MARCHF1: variants seen among roughly 807,000 people sequenced by gnomAD.
MARCHF1 encodes membrane associated ring-CH-type finger 1.
Under a neutral mutation model 54.2 loss-of-function variants are expected in MARCHF1, and 40 were observed. The observed-to-expected ratio is 0.74, with a 90% CI of 0.57 to 0.96. The LOEUF (loss-of-function observed/expected upper bound fraction) is 0.96, where lower values mean the gene tolerates loss of function less well. Among genes scored for constraint, MARCHF1 ranks in the 40% least tolerant of loss-of-function variants. MARCHF1 has a pLI of 0.00. For missense variants in MARCHF1, 586 were observed against 656.5 expected, an observed-to-expected ratio of 0.89 and a Z score of 1.17; for synonymous variants, 236 against 236.3, an observed-to-expected ratio of 1.00 and a Z score of 0.01.
At chr4:164,344,044 A>G (rs1343897109) in intron 1 of MARCHF1, among the ~76,000 whole-genome samples, 2 of 152,222 alleles carry the variant, frequency 1.3e-5, no homozygotes, top group Non-Finnish European at 2.9e-5. Flanking sequence ...CTATGCAGCC[A>G]TAAGAAAGAA....
chr4:163,955,550 C>T (rs1254877909), intron 3 of MARCHF1, among the ~76,000 whole-genome samples: 1 of 152,050 alleles, frequency 6.6e-6, no homozygotes, highest in Non-Finnish European at 1.5e-5. Flanking sequence ...CTTCTCATGT[C>T]TGTGCCCCTG....
chr4:164,223,543 G>A lies in MARCHF1; in HGVS notation c.-322-111881C>T, dbSNP rs538089672. Among the ~76,000 whole-genome samples the A allele has an allele frequency of 2.1e-3, 321 of 152,048 alleles. 4 individuals carry two copies. The highest frequency in any genetic ancestry group is 7.5e-3 in the African/African-American group (312 of 41,516). On this transcript the variant is annotated intron_variant, in intron 1 of 9. Coordinates refer to ENST00000514618, the MANE Select transcript of MARCHF1 (RefSeq NM_001394959.1). ...GATATTTATGTGTTCTAAATCCAGT[G>A]TTTTAGTCAGAAGATCCAAAGAGAA...
intron 1 of MARCHF1, among the ~76,000 whole-genome samples, chr4:164,179,399 G>GTCA (rs759014400): frequency 0.15 from 22,084 of 152,060 alleles, 2,147 homozygotes; most frequent in African/African-American, 0.26. Context: ...GACAAAGTAT[G>GTCA]TAATACTTGA....
intron 1 of MARCHF1, among the ~76,000 whole-genome samples, chr4:164,113,348 T>C (rs750831656): frequency 5.3e-5 from 8 of 152,028 alleles, no homozygotes; most frequent in African/African-American, 1.9e-4. Context: ...ACATGGCCTT[T>C]TGAAAGCTTA....
chr4:164,186,936 T>C (rs1030614743), intron 1 of MARCHF1, among the ~76,000 whole-genome samples: 4 of 152,212 alleles, frequency 2.6e-5, no homozygotes, highest in Admixed American at 6.5e-5. Flanking sequence ...GTTTCCATGT[T>C]TGTGAATCAA....
chr4:163,997,085 A>T (rs904092403), intron 2 of MARCHF1, among the ~76,000 whole-genome samples: 3 of 152,074 alleles, frequency 2.0e-5, no homozygotes, highest in Admixed American at 6.6e-5. Flanking sequence ...GATGATAGCA[A>T]TGGGCATCAA....
intron 2 of MARCHF1, among the ~76,000 whole-genome samples, chr4:164,065,455 T>C (rs1294532907): frequency 6.6e-6 from 1 of 152,100 alleles, no homozygotes; most frequent in Non-Finnish European, 1.5e-5. Context: ...CTAATTAAAC[T>C]AAAGAGCTTC....
intron 9 of MARCHF1, among the ~76,000 whole-genome samples, chr4:163,543,994 T>C (rs575348927): frequency 6.6e-6 from 1 of 152,328 alleles, no homozygotes; most frequent in East Asian, 1.9e-4. Context: ...ATGTGTCATC[T>C]AATCTAAGGG....
chr4:163,899,525 C>G (rs1374096684), intron 3 of MARCHF1, among the ~76,000 whole-genome samples: 2 of 152,066 alleles, frequency 1.3e-5, no homozygotes, highest in Non-Finnish European at 2.9e-5. Flanking sequence ...TAAGAATAGT[C>G]CCTGGCTGTG....
chr4:163,794,763 T>C (rs1239804728), intron 4 of MARCHF1, among the ~76,000 whole-genome samples: 1 of 152,246 alleles, frequency 6.6e-6, no homozygotes, highest in African/African-American at 2.4e-5. Context: ...ACTTGTTGAT[T>C]CTACAGAGAT....
At chr4:163,572,319 C>T (rs1261632882) in intron 8 of MARCHF1, among the ~76,000 whole-genome samples, 1 of 144,078 alleles carries the variant, frequency 6.9e-6, no homozygotes, top group Non-Finnish European at 1.5e-5. Flanking sequence ...CTCTTTCTTC[C>T]TTTTTTTTTT....
At chr4:163,705,062 A>T (rs1437025000) in intron 4 of MARCHF1, among the ~76,000 whole-genome samples, 1 of 151,786 alleles carries the variant, frequency 6.6e-6, no homozygotes, top group Non-Finnish European at 1.5e-5. Flanking sequence ...GTAAAGCAAA[A>T]ATTCCCAGAA....
intron 8 of MARCHF1, among the ~76,000 whole-genome samples, chr4:163,552,549 C>T (rs1299861169): frequency 6.6e-6 from 1 of 152,182 alleles, no homozygotes; most frequent in Non-Finnish European, 1.5e-5. Context: ...TCTCCTTTTG[C>T]ATTCTGAACT....
chr4:164,046,128 C>T (rs1029691927), intron 2 of MARCHF1, among the ~76,000 whole-genome samples: 91 of 152,320 alleles, frequency 6.0e-4, no homozygotes, highest in African/African-American at 2.1e-3. Flanking sequence ...GACAGCTGTG[C>T]ATGCAGTGGG....
At chr4:164,235,055 C>G (rs1405391813) in intron 1 of MARCHF1, 1 of 152,094 alleles carries the variant, frequency 6.6e-6, no homozygotes, top group Non-Finnish European at 1.5e-5. Context: ...TCCTTTACAT[C>G]TCTTTCTCCT....
chr4:164,349,126 G>T (rs369471398), intron 1 of MARCHF1, among the ~76,000 whole-genome samples: 1 of 152,106 alleles, frequency 6.6e-6, no homozygotes, highest in Non-Finnish European at 1.5e-5. Context: ...CAGATCTGTG[G>T]AATCCATTCT....
intron 4 of MARCHF1, among the ~76,000 whole-genome samples, chr4:163,713,700 A>G (rs1745176219): frequency 6.6e-6 from 1 of 152,188 alleles, no homozygotes; most frequent in South Asian, 2.1e-4. Context: ...GCTATAAAAT[A>G]TTTATCAATA....
At chr4:163,819,625 G>A (rs1016591820) in intron 4 of MARCHF1, among the ~76,000 whole-genome samples, 4 of 151,934 alleles carry the variant, frequency 2.6e-5, no homozygotes, top group African/African-American at 9.7e-5. Context: ...ATCCCTCTCC[G>A]AATCCAAATC....
intron 5 of MARCHF1, among the ~76,000 whole-genome samples, chr4:163,634,125 C>A (rs1028347270): frequency 1.3e-4 from 20 of 152,084 alleles, no homozygotes; most frequent in Non-Finnish European, 2.8e-4. Context: ...ACAACCGGTA[C>A]CAGCTGCTGC....
Sources: allele counts gnomAD v4.1 joint callset (sites outside exome capture counted in the v4.1 genomes callset), GRCh38; gene constraint gnomAD v4.1.1; transcripts MANE v1.5; gene names NCBI Gene and HGNC (gene_info 2026-07-23, HGNC 2026-07-21).